F13A1: variants seen among roughly 807,000 people sequenced by gnomAD.
The protein encoded by F13A1 is coagulation factor XIII A chain.
A neutral mutation model predicts 80.1 loss-of-function variants in F13A1; 47 were observed. The observed-to-expected ratio is 0.59, with a 90% CI of 0.46 to 0.75. The LOEUF is 0.75. Among genes scored for constraint, F13A1 ranks in the 30% least tolerant of loss-of-function variants. F13A1 has a pLI of 0.00. For missense variants in F13A1, 817 were observed against 930.4 expected (o/e 0.88, Z 1.59); for synonymous variants, 349 against 344.9 (o/e 1.01, Z -0.13).
intron 10 of F13A1, among the ~76,000 whole-genome samples, chr6:6,188,763 A>ATTC (rs1761124721): frequency 1.8e-5 from 1 of 55,094 alleles, no homozygotes; most frequent in Non-Finnish European, 3.0e-5. Context: ...GCTGAGTTCA[A>ATTC]TTCCTGGGTA....
At chr6:6,298,397 G>A (rs2113170656) in intron 3 of F13A1, among the ~76,000 whole-genome samples, 1 of 150,168 alleles carries the variant, frequency 6.7e-6, no homozygotes, top group African/African-American at 2.5e-5. Context: ...CTCTTTGTAG[G>A]TCACTCAGGA....
intron 10 of F13A1, among the ~76,000 whole-genome samples, chr6:6,190,307 C>T (rs977701210): frequency 7.4e-4 from 113 of 152,302 alleles, no homozygotes; most frequent in African/African-American, 2.3e-3. Flanking sequence ...GCTCTTCTTT[C>T]TAGAGTTTCC....
chr6:6,187,550 C>A (rs989112737), intron 10 of F13A1, among the ~76,000 whole-genome samples: 9 of 113,782 alleles, frequency 7.9e-5, no homozygotes, highest in Non-Finnish European at 1.3e-4. Context: ...ATTGAACCAG[C>A]CTTGCATCCC....
At chr6:6,223,239 C>T (rs1225222227) in intron 7 of F13A1, among the ~76,000 whole-genome samples, 8 of 152,320 alleles carry the variant, frequency 5.3e-5, no homozygotes, top group East Asian at 3.9e-4. Flanking sequence ...CTTGATTTAC[C>T]GCCAAAGCCT....
At chr6:6,312,607 G>A (rs989428367) in intron 2 of F13A1, among the ~76,000 whole-genome samples, 2 of 141,884 alleles carry the variant, frequency 1.4e-5, no homozygotes, top group African/African-American at 5.4e-5. Context: ...GAACCCGGGA[G>A]GTGGAGCTTG....
chr6:6,289,383 C>T (rs1395883252), intron 3 of F13A1, among the ~76,000 whole-genome samples: 1 of 152,014 alleles, frequency 6.6e-6, no homozygotes, highest in Non-Finnish European at 1.5e-5. Flanking sequence ...AGTCCTCAGA[C>T]CACAGTGTGT....
intron 9 of F13A1, 119 bp from the exon 10 acceptor site, chr6:6,196,004 G>A: frequency 1.1e-6 from 1 of 948,382 alleles, no homozygotes; most frequent in Non-Finnish European, 1.7e-6. Context: ...CTTCATTGCT[G>A]ATTTAGCCCA....
chr6:6,190,683 C>T (rs2151080212), intron 10 of F13A1, among the ~76,000 whole-genome samples: 1 of 151,810 alleles, frequency 6.6e-6, no homozygotes, highest in South Asian at 2.1e-4. Context: ...TTTTGTTTGT[C>T]TGTGCCCTGC....
chr6:6,197,598 A>C (rs1761314235), intron 8 of F13A1, among the ~76,000 whole-genome samples: 1 of 152,016 alleles, frequency 6.6e-6, no homozygotes, highest in Non-Finnish European at 1.5e-5. Flanking sequence ...GAATCGCTTG[A>C]ATCTGGGATA....
intron 6 of F13A1, among the ~76,000 whole-genome samples, chr6:6,247,470 T>A (rs1246428897): frequency 6.6e-6 from 1 of 152,198 alleles, no homozygotes; most frequent in Non-Finnish European, 1.5e-5. Flanking sequence ...TGTACCAACA[T>A]CTGGCTCTCC....
chr6:6,264,562 C>T, intron 4 of F13A1, among the ~76,000 whole-genome samples: 1 of 152,144 alleles, frequency 6.6e-6, no homozygotes, highest in East Asian at 1.9e-4. Context: ...CCTTCTTTAT[C>T]TATATTTTCT....
chr6:6,173,404 CTTTTCTTT>C lies in F13A1; in HGVS notation c.1747+1168_1747+1175del, dbSNP rs1417011879. 1.7e-3 allele frequency among the ~76,000 whole-genome samples: 246 copies of C among 144,084 alleles called. 3 individuals are homozygous for C. The highest frequency in any genetic ancestry group is 4.7e-3 in the African/African-American group (178 of 38,086). 94.5% of individuals were successfully genotyped at this position (144,084 alleles called of 152,430 possible). On this transcript the variant is annotated intron_variant, in intron 12 of 14. Transcript: ENST00000264870. ...CACAGCTTTGTTTCCAGCCTCCATT[CTTTTCTTT>C]TTTTTTTTTTTTTGAGACGGAGTAT...
chr6:6,261,013 G>A (rs1200170100), intron 4 of F13A1, among the ~76,000 whole-genome samples: 1 of 152,196 alleles, frequency 6.6e-6, no homozygotes, highest in African/African-American at 2.4e-5. Flanking sequence ...CTGTGGCCCA[G>A]GCTGGAGTGC....
chr6:6,147,882 C>G (rs1017949730), intron 14 of F13A1, among the ~76,000 whole-genome samples: 15 of 152,218 alleles, frequency 9.9e-5, no homozygotes, highest in African/African-American at 3.6e-4. Context: ...TTGGAGTAAT[C>G]CTATTTTCTG....
intron 13 of F13A1, among the ~76,000 whole-genome samples, chr6:6,165,406 TCATA>T (rs1448809158): frequency 2.6e-5 from 4 of 152,208 alleles, no homozygotes; most frequent in African/African-American, 9.6e-5. Flanking sequence ...TCAGTTTCCT[TCATA>T]CATCCGGTTT....
intron 2 of F13A1, among the ~76,000 whole-genome samples, chr6:6,313,651 C>T (rs1758638665): frequency 6.8e-6 from 1 of 147,206 alleles, no homozygotes; most frequent in African/African-American, 2.6e-5. Flanking sequence ...GAACTATAAG[C>T]ATAAATGCTA....
intron 2 of F13A1, among the ~76,000 whole-genome samples, chr6:6,306,887 C>A (rs1758520487): frequency 6.6e-6 from 1 of 152,046 alleles, no homozygotes; most frequent in African/African-American, 2.4e-5. Context: ...CCCTTTGGAC[C>A]CCATTGTGTT....
Position 6,318,552 on chromosome 6 carries a change from C to T in F13A1, c.113G>A (p.Arg38Gln), listed in dbSNP as rs759324596. 20 of 1,613,338 alleles carry T rather than the reference C, an allele frequency of 1.2e-5. No homozygotes were observed. Among genetic ancestry groups the T allele is most frequent in the Non-Finnish European group, 1.4e-5 (16 of 1,179,752 alleles). ...GCTCATACCTTGCAGGTTGACGCCC[C>T]GGGGCACCACGCCCTGAAGCTCCAC... ...PTVELQGVVP[R>Q]GVNLQEFLNV... is the part of the protein sequence containing the mutation. The change falls in exon 2 of 15, where the codon CGG (arginine) becomes CAG (glutamine). Residue 38 changes from arginine (R) to glutamine (Q), a missense_variant. Coordinates refer to ENST00000264870, the MANE Select transcript of F13A1 (RefSeq NM_000129.4).
intron 3 of F13A1, among the ~76,000 whole-genome samples, chr6:6,272,246 C>T (rs1757931082): frequency 2.0e-5 from 3 of 152,188 alleles, no homozygotes; most frequent in Admixed American, 2.0e-4. Context: ...ATTAAAAATA[C>T]AATGTCCTAG....
Sources: allele counts gnomAD v4.1 joint callset (sites outside exome capture counted in the v4.1 genomes callset), GRCh38; gene constraint gnomAD v4.1.1; transcripts MANE v1.5; gene names NCBI Gene and HGNC (gene_info 2026-07-23, HGNC 2026-07-21).